Variants in PRCP observed in about 807,000 individuals in gnomAD.
PRCP encodes the protein lysosomal Pro-X carboxypeptidase.
Under a neutral mutation model 54.2 loss-of-function variants are expected in PRCP, and 46 were observed. The observed-to-expected ratio is 0.85, with a 90% CI of 0.67 to 1.09. The LOEUF is 1.09. Among genes scored for constraint, PRCP ranks in the 50% least tolerant of loss-of-function variants. The pLI is 0.00. For synonymous variants in PRCP, 240 were observed against 212.2 expected (o/e 1.13, Z -1.14); for missense variants, 613 against 596.8 (o/e 1.03, Z -0.28).
chr11:82,831,043 C>CAAAAAA (rs11356609), intron 8 of PRCP: 2 of 67,220 alleles, frequency 3.0e-5, no homozygotes, highest in African/African-American at 5.1e-5. Flanking sequence ...GGAAAATCTA[C>CAAAAAA]AAAAAAAAAA....
At chr11:82,899,976 T>G (rs1860221488) in intron 1 of PRCP, 1 of 473,690 alleles carries the variant, frequency 2.1e-6, no homozygotes, top group Admixed American at 3.9e-5. Flanking sequence ...GGAGTTGAAG[T>G]GACTGTCGTG....
intron 1 of PRCP, among the ~76,000 whole-genome samples, chr11:82,887,127 A>G (rs1859878639): frequency 6.6e-6 from 1 of 152,174 alleles, no homozygotes; most frequent in African/African-American, 2.4e-5. Flanking sequence ...AGAAATCTTT[A>G]TCATCTCCCT....
chr11:82,849,960 C>T lies in PRCP; in HGVS notation c.705G>A (p.Glu235=), dbSNP rs150580514. 3.1e-4 allele frequency: 484 copies of T among 1,539,358 alleles called. 1 individual carries two copies. Among genetic ancestry groups the T allele is most frequent in the Middle Eastern group, 1.0e-3 (6 of 5,778 alleles). ...DFRKSGPHCS[E]SIHRSWDAIN... The stretch of plus-strand genomic sequence containing the variant: ...TGGCATCCCAGGACCTGTGGATGCT[C>T]TCTGAACAATGTGGACCGCTTTTCC... The change falls in exon 5 of 9, where the codon GAG becomes GAA. Residue 235 remains glutamate, a synonymous_variant. Coordinates refer to ENST00000313010, the MANE Select transcript of PRCP (RefSeq NM_005040.4).
chr11:82,849,817 C>G (rs1858901587), intron 5 of PRCP, 97 bp downstream of exon 5: 1 of 1,137,660 alleles, frequency 8.8e-7, no homozygotes, highest in Non-Finnish European at 1.2e-6. Flanking sequence ...GTACATTATA[C>G]TTTAACAAAA....
At chr11:82,895,166 C>T (rs991143789) in intron 1 of PRCP, among the ~76,000 whole-genome samples, 2 of 152,124 alleles carry the variant, frequency 1.3e-5, no homozygotes, top group South Asian at 2.1e-4. Flanking sequence ...TTTACACATA[C>T]CACCTCTTTT....
Position 82,860,076 on chromosome 11 carries a change from C to A in PRCP, c.210G>T (p.Gln70His). ...AGTATTTATCAGCTACTAGGTACCG[C>A]TGATTAAAAGTTTTCACAGTATTAA... Reference protein sequence around the residue: ...FGFNTVKTFNQRYLVADKYWK... With the variant: ...FGFNTVKTFNHRYLVADKYWK... Residue 70 changes from glutamine to histidine, a missense_variant, in exon 2 of 9, where the codon CAG becomes CAT. Coordinates refer to ENST00000313010, the MANE Select transcript of PRCP (RefSeq NM_005040.4). The A allele has an allele frequency of 6.4e-7, 1 of 1,569,900 alleles. No homozygotes were observed. The highest frequency in any genetic ancestry group is 8.6e-7 in the Non-Finnish European group (1 of 1,157,582).
At position 82,844,106 on chromosome 11, in the gene PRCP, T is replaced by A. The variant is rs146980360; in HGVS notation, c.922-4681A>T. On this transcript the variant is annotated intron_variant, in intron 6 of 8. Transcript: ENST00000313010. ...CATAATAATAATAGCTATTATTATT[T>A]ATAACTAGCATCAATTTAGTGCTTT... Among the ~76,000 whole-genome samples the A allele has an allele frequency of 1.9e-3, 283 of 152,288 alleles. 3 individuals are homozygous for A. Among genetic ancestry groups the A allele is most frequent in the African/African-American group, 6.5e-3 (268 of 41,550 alleles).
intron 6 of PRCP, chr11:82,843,272 C>T (rs1858719576): frequency 6.6e-6 from 1 of 150,770 alleles, no homozygotes; most frequent in African/African-American, 2.4e-5. Flanking sequence ...CACCACTGCA[C>T]TCTAGCTTGG....
Position 82,838,534 on chromosome 11 carries a change from A to T in PRCP, c.1127T>A (p.Val376Asp). The change falls in exon 8 of 9, where the codon GTC becomes GAC. Residue 376 changes from valine (V) to aspartate (D), a missense_variant. Coordinates refer to ENST00000313010, the MANE Select transcript of PRCP (RefSeq NM_005040.4). The part of the protein sequence containing the change: ...EVVMPFCTNG[V>D]DDMFEPHSWN... Reference sequence around the variant, plus strand: ...TGAGTGAGGTTCAAACATGTCATCGACACCATTAGTACAAAAGGGCATGAC... The same window carrying T: ...TGAGTGAGGTTCAAACATGTCATCGTCACCATTAGTACAAAAGGGCATGAC... The T allele has an allele frequency of 6.2e-7, 1 of 1,614,102 alleles. No homozygotes were observed. The highest frequency in any genetic ancestry group is 8.5e-7 in the Non-Finnish European group (1 of 1,179,966).
intron 6 of PRCP, among the ~76,000 whole-genome samples, chr11:82,847,858 T>A (rs1332956622): frequency 6.6e-6 from 1 of 152,186 alleles, no homozygotes; most frequent in Non-Finnish European, 1.5e-5. Context: ...CCTCCCAAAG[T>A]GCAGGGATTA....
chr11:82,847,493 T>C (rs1428667121), intron 6 of PRCP, among the ~76,000 whole-genome samples: 2 of 152,264 alleles, frequency 1.3e-5, no homozygotes, highest in Non-Finnish European at 2.9e-5. Flanking sequence ...GAAAGCGCTT[T>C]GTAAATAGTA....
chr11:82,876,814 ATTGGTACCAGTAGAGTGGGGCATTG>A (rs1859613856), intron 1 of PRCP, among the ~76,000 whole-genome samples: 6 of 152,152 alleles, frequency 3.9e-5, no homozygotes, highest in South Asian at 4.1e-4. Flanking sequence ...AATACAGTAA[ATTGGTACCAGTAGAGTGGGGCATTG>A]CTGAAAGGAT....
At chr11:82,860,347 A>G (rs1859180137) in intron 1 of PRCP, among the ~76,000 whole-genome samples, 1 of 147,368 alleles carries the variant, frequency 6.8e-6, no homozygotes, top group Non-Finnish European at 1.5e-5. Context: ...AAGATTTTCA[A>G]TGTAAAAGAA....
intron 1 of PRCP, among the ~76,000 whole-genome samples, chr11:82,880,307 A>C (rs1859714949): frequency 6.6e-6 from 1 of 152,228 alleles, no homozygotes; most frequent in African/African-American, 2.4e-5. Flanking sequence ...GCTAGCAGTG[A>C]GCGAGGCTCT....
intron 7 of PRCP, 71 bp downstream of exon 7, chr11:82,839,190 C>T: frequency 6.6e-7 from 1 of 1,507,886 alleles, no homozygotes; most frequent in Non-Finnish European, 9.0e-7. Flanking sequence ...CTTGTGTACC[C>T]TGATTTTTTT....
upstream of PRCP, chr11:82,900,568 C>T (rs1591081241): frequency 1.9e-5 from 17 of 882,712 alleles, no homozygotes; most frequent in Middle Eastern, 3.0e-4. Flanking sequence ...CAAGCCAGGT[C>T]ACCACAGCCA....
Position 82,880,512 on chromosome 11 carries a change from G to A in PRCP, c.168+19723C>T, listed in dbSNP as rs143240197. ...CCCAGGTGAGGCAATGGCCTGCCCT[G>A]CTCCATGGGCTGCAACCACTGTCTG... On this transcript the variant is annotated intron_variant, in intron 1 of 8. Transcript: ENST00000313010. Among the ~76,000 whole-genome samples the A allele has an allele frequency of 3.0e-4, 45 of 152,336 alleles. 1 individual carries two copies. The East Asian group carries it at 8.3e-3, about 28-fold the overall frequency.
intron 6 of PRCP, among the ~76,000 whole-genome samples, chr11:82,848,471 T>C (rs1315383447): frequency 6.6e-6 from 1 of 152,200 alleles, no homozygotes; most frequent in Admixed American, 6.5e-5. Flanking sequence ...GAAAAGCACC[T>C]TGCCTAAGAT....
In PRCP at chr11:82,891,016, T is replaced by C. The variant is rs1168986978; in HGVS notation, c.168+9219A>G. On this transcript the variant is annotated intron_variant, in intron 1 of 8. Transcript: ENST00000313010. ...CCTTTGTTGCTCTCTTCCAATCTCA[T>C]GGTTTTACATACCATCTGTATACTA... Among the ~76,000 whole-genome samples the C allele has an allele frequency of 3.9e-5, 6 of 152,238 alleles. No homozygotes were observed. In the East Asian group the frequency reaches 9.6e-4, roughly 24 times the overall value.
Sources: allele counts gnomAD v4.1 joint callset (sites outside exome capture counted in the v4.1 genomes callset), GRCh38; gene constraint gnomAD v4.1.1; transcripts MANE v1.5; gene names NCBI Gene and HGNC (gene_info 2026-07-23, HGNC 2026-07-21).